The following CLIP2 variants were observed in gnomAD, a reference collection of about 807,000 sequenced individuals.
CLIP2 encodes the protein CAP-Gly domain-containing linker protein 2.
CLIP2 carries 41 observed loss-of-function variants against 111.7 expected under a neutral mutation model. That is an observed-to-expected ratio of 0.37 (90% CI 0.29 to 0.48). The LOEUF (loss-of-function observed/expected upper bound fraction) is 0.48. Among genes scored for constraint, CLIP2 ranks in the 20% least tolerant of loss-of-function variants. The pLI is 0.99. For synonymous variants in CLIP2, 660 were observed against 644.2 expected (o/e 1.02, Z -0.37); for missense variants, 1,160 against 1,422.1 (o/e 0.82, Z 2.96).
Position 74,317,577 on chromosome 7 carries a change from G to A in CLIP2, c.31G>A (p.Gly11Ser), listed in dbSNP as rs200966015. 2.3e-5 allele frequency: 34 copies of A among 1,489,004 alleles called. No homozygotes were observed. Among genetic ancestry groups the A allele is most frequent in the South Asian group, 2.7e-5 (2 of 74,038 alleles). The allele number at this position is 1,489,004 out of a possible 1,614,324, so 92.2% of individuals were successfully genotyped here. A position where few individuals can be genotyped will look rare whatever the true frequency, so the allele number is the denominator to read the frequency against. Residue 11 changes from glycine (G) to serine (S), a missense_variant, in exon 2 of 17, where the codon GGC becomes AGC. Physicochemically the swap from Gly to Ser is moderately conservative, Grantham distance 56. Around this residue, in one of 5 missense-constraint regions of CLIP2, gnomAD observed 301 missense variants for 315.2 expected, o/e 0.96. Transcript: ENST00000223398. ...GAAGCCCAGCGGCCTGAAGCCCCCC[G>A]GCCGTGGGGGGAAGCACTCCAGCCC... MQKPSGLKPP[G>S]RGGKHSSPMG...
intron 4 of CLIP2, among the ~76,000 whole-genome samples, 199 bp downstream of exon 4, chr7:74,354,203 A>G (rs1176350875): frequency 2.0e-5 from 3 of 152,168 alleles, no homozygotes; most frequent in South Asian, 2.1e-4. Context: ...AGATGAGAGT[A>G]TGGAGGCCAG....
intron 12 of CLIP2, 94 bp downstream of exon 12, chr7:74,386,698 C>A: frequency 1.1e-6 from 1 of 950,760 alleles, no homozygotes; most frequent in Non-Finnish European, 1.5e-6. Context: ...CAGGGCCTGG[C>A]TTAGGGTCCC....
At chr7:74,303,682 C>G (rs1788399947) in intron 1 of CLIP2, among the ~76,000 whole-genome samples, 1 of 149,396 alleles carries the variant, frequency 6.7e-6, no homozygotes, top group Non-Finnish European at 1.5e-5. Context: ...GAGGTGAAGG[C>G]AGGCGGATCA....
intron 11 of CLIP2, among the ~76,000 whole-genome samples, chr7:74,382,295 G>A (rs1439819248): frequency 2.9e-5 from 4 of 137,532 alleles, no homozygotes; most frequent in Admixed American, 2.4e-4. Flanking sequence ...TCTCCATGTT[G>A]GGGCTGGTCT....
chr7:74,394,411 G>A (rs112273084), intron 13 of CLIP2, among the ~76,000 whole-genome samples: 2 of 151,718 alleles, frequency 1.3e-5, no homozygotes, highest in African/African-American at 2.4e-5. Flanking sequence ...CCACCATGCC[G>A]GGCTAATTTT....
At chr7:74,332,461 T>C (rs1050027984) in intron 2 of CLIP2, among the ~76,000 whole-genome samples, 37 of 21,152 alleles carry the variant, frequency 1.7e-3, no homozygotes, top group Non-Finnish European at 4.4e-3. Context: ...TAGAATTCTC[T>C]TTTTTTTTTT....
chr7:74,317,654 T>C lies in CLIP2; in HGVS notation c.108T>C (p.Ala36=). The change falls in exon 2 of 17, where the codon GCT becomes GCC. Residue 36 remains alanine (A), a synonymous_variant. Transcript: ENST00000223398. ...GSASSSAAVA[A]SSKEGSPLHK... is the part of the protein sequence containing the mutation. Reference sequence around the variant, plus strand: ...CTTCATCCTCGGCGGCGGTGGCCGCTAGCTCCAAGGAAGGTACGTGGCACA... The same window carrying C: ...CTTCATCCTCGGCGGCGGTGGCCGCCAGCTCCAAGGAAGGTACGTGGCACA... 2 of 1,498,444 alleles carry C rather than the reference T, an allele frequency of 1.3e-6. No homozygotes were observed. The highest frequency in any genetic ancestry group is 1.3e-5 in the South Asian group (1 of 74,288). The allele number at this position is 1,498,444 out of a possible 1,614,324, so 92.8% of individuals were successfully genotyped here. A position where few individuals can be genotyped will look rare whatever the true frequency, so the allele number is the denominator to read the frequency against.
chr7:74,362,045 G>A (rs1265128781), intron 7 of CLIP2, among the ~76,000 whole-genome samples: 1 of 149,048 alleles, frequency 6.7e-6, no homozygotes, highest in Non-Finnish European at 1.5e-5. Context: ...AGGTTGCAGT[G>A]AACCGAGATC....
At chr7:74,362,117 GT>G (rs1790345253) in intron 7 of CLIP2, among the ~76,000 whole-genome samples, 1 of 148,386 alleles carries the variant, frequency 6.7e-6, no homozygotes, top group African/African-American at 2.5e-5. Flanking sequence ...AAAAAAAAAA[GT>G]CACAAGTGGG....
intron 3 of CLIP2, 46 bp downstream of exon 3, chr7:74,339,050 C>T (rs1789575644): frequency 1.3e-6 from 2 of 1,540,488 alleles, no homozygotes; most frequent in East Asian, 2.3e-5. Context: ...TCCCTTCCCT[C>T]CCCTGCTCCG....
intron 13 of CLIP2, among the ~76,000 whole-genome samples, chr7:74,390,475 G>A (rs1554315718): frequency 6.6e-6 from 1 of 151,890 alleles, no homozygotes; most frequent in Admixed American, 6.6e-5. Flanking sequence ...TTTGAGACCA[G>A]CCTGGGCAAC....
chr7:74,375,398 A>G (rs979793212), intron 9 of CLIP2, among the ~76,000 whole-genome samples: 1 of 151,132 alleles, frequency 6.6e-6, no homozygotes, highest in Non-Finnish European at 1.5e-5. Context: ...AAAAAACACA[A>G]AAATTCCCCA....
At chr7:74,387,985 C>T (rs1254887457) in intron 12 of CLIP2, among the ~76,000 whole-genome samples, 1 of 152,022 alleles carries the variant, frequency 6.6e-6, no homozygotes, top group Non-Finnish European at 1.5e-5. Flanking sequence ...GCCAGGGGTT[C>T]GAGACCAGCC....
chr7:74,321,495 A>G (rs995398758), intron 2 of CLIP2, among the ~76,000 whole-genome samples: 7 of 151,990 alleles, frequency 4.6e-5, no homozygotes, highest in Admixed American at 2.6e-4. Context: ...TTTGAGATAC[A>G]GTCTCGCTCT....
At chr7:74,347,461 G>C (rs924519215) in intron 3 of CLIP2, among the ~76,000 whole-genome samples, 1 of 152,068 alleles carries the variant, frequency 6.6e-6, no homozygotes, top group Non-Finnish European at 1.5e-5. Context: ...GTAGAGATGG[G>C]GTTTCACTGT....
chr7:74,293,180 G>A (rs1290346175), intron 1 of CLIP2, among the ~76,000 whole-genome samples: 1 of 152,206 alleles, frequency 6.6e-6, no homozygotes, highest in Non-Finnish European at 1.5e-5. Context: ...GCAAGGAACA[G>A]GAACCTGCTT....
intron 2 of CLIP2, among the ~76,000 whole-genome samples, chr7:74,322,993 C>T (rs1789004561): frequency 1.3e-5 from 2 of 151,966 alleles, no homozygotes; most frequent in East Asian, 1.9e-4. Context: ...CCTTCCAAAG[C>T]GCTGGGATTA....
At chr7:74,319,654 CA>C (rs1296523722) in intron 2 of CLIP2, among the ~76,000 whole-genome samples, 5 of 151,390 alleles carry the variant, frequency 3.3e-5, no homozygotes, top group Non-Finnish European at 7.4e-5. Flanking sequence ...CCCAGCTCTA[CA>C]AAAAAAATTT....
intron 8 of CLIP2, among the ~76,000 whole-genome samples, chr7:74,365,449 A>G (rs1162619160): frequency 5.3e-5 from 8 of 152,004 alleles, no homozygotes; most frequent in Non-Finnish European, 1.2e-4. Flanking sequence ...TCTGTTTCCC[A>G]CTGTGTTTCT....
Sources: allele counts gnomAD v4.1 joint callset (sites outside exome capture counted in the v4.1 genomes callset), GRCh38; gene constraint gnomAD v4.1.1; regional missense constraint gnomAD v4.1.1; transcripts MANE v1.5; gene names NCBI Gene and HGNC (gene_info 2026-07-23, HGNC 2026-07-21).